Variants in ZNF385D observed in about 807,000 individuals in gnomAD.
The protein encoded by ZNF385D is zinc finger protein 659.
Under a neutral mutation model 35.8 loss-of-function variants are expected in ZNF385D, and 15 were observed. The ratio of observed to expected loss-of-function variants is 0.42; its 90% CI spans 0.28 to 0.64. The LOEUF (loss-of-function observed/expected upper bound fraction) is 0.64, where lower values mean the gene tolerates loss of function less well. ZNF385D is among the 30% of genes least tolerant of loss of function. The probability of loss-of-function intolerance (pLI) is 0.23; values close to 1 mark genes in which losing one functional copy is unlikely to be tolerated. For missense variants in ZNF385D, 474 were observed against 494.6 expected (o/e 0.96, Z 0.39); for synonymous variants, 212 against 186.8 (o/e 1.13, Z -1.10).
chr3:22,099,700 T>A (rs542475990), intron 3 of ZNF385D, among the ~76,000 whole-genome samples: 3 of 151,834 alleles, frequency 2.0e-5, no homozygotes, highest in Non-Finnish European at 4.4e-5. Flanking sequence ...CCCTGAAGCA[T>A]GGCGGGGATA....
At chr3:21,712,578 C>A (rs2068154892) in intron 1 of ZNF385D, among the ~76,000 whole-genome samples, 2 of 152,066 alleles carry the variant, frequency 1.3e-5, no homozygotes, top group African/African-American at 4.8e-5. Context: ...TCACTTGTAA[C>A]ACCGCTGTAA....
At chr3:22,310,193 C>G (rs570354200) in intron 2 of ZNF385D, among the ~76,000 whole-genome samples, 51 of 151,898 alleles carry the variant, frequency 3.4e-4, no homozygotes, top group Non-Finnish European at 6.3e-4. Flanking sequence ...AGACCATTTC[C>G]TGGATTTGCA....
chr3:22,166,808 T>C (rs927341198), intron 3 of ZNF385D, among the ~76,000 whole-genome samples: 1 of 152,228 alleles, frequency 6.6e-6, no homozygotes, highest in Non-Finnish European at 1.5e-5. Context: ...TATAATGTTG[T>C]TTATTACTTC....
At chr3:22,295,508 G>T (rs1702525310) in intron 2 of ZNF385D, among the ~76,000 whole-genome samples, 2 of 152,062 alleles carry the variant, frequency 1.3e-5, no homozygotes, top group Admixed American at 6.6e-5. Flanking sequence ...CGTACATGTA[G>T]GTGTATGGCT....
At chr3:21,760,052 G>A (rs145485096) in intron 3 of ZNF385D, among the ~76,000 whole-genome samples, 1 of 152,268 alleles carries the variant, frequency 6.6e-6, no homozygotes, top group African/African-American at 2.4e-5. Context: ...ATACATAAAG[G>A]AAGTGTGTAA....
chr3:21,499,672 A>G (rs572515395), intron 4 of ZNF385D, among the ~76,000 whole-genome samples: 1 of 152,172 alleles, frequency 6.6e-6, no homozygotes. Context: ...AAAACGAAAA[A>G]CAATAAAATA....
chr3:22,069,210 T>A (rs1265020274), intron 3 of ZNF385D, among the ~76,000 whole-genome samples: 20 of 152,190 alleles, frequency 1.3e-4, no homozygotes, highest in Admixed American at 1.2e-3. Context: ...TCCAACAGGG[T>A]CTGAGAAAAT....
intron 2 of ZNF385D, among the ~76,000 whole-genome samples, chr3:21,650,947 A>G (rs2065893367): frequency 6.6e-6 from 1 of 152,036 alleles, no homozygotes; most frequent in African/African-American, 2.4e-5. Context: ...CAGAAATATG[A>G]TTTTCAGGAC....
intron 3 of ZNF385D, among the ~76,000 whole-genome samples, chr3:22,012,106 C>T (rs1263693280): frequency 6.6e-6 from 1 of 152,104 alleles, no homozygotes; most frequent in Non-Finnish European, 1.5e-5. Context: ...CTCCAGGGAG[C>T]CCACCACCTT....
chr3:21,802,406 C>A (rs1378617298), intron 3 of ZNF385D, among the ~76,000 whole-genome samples: 1 of 151,850 alleles, frequency 6.6e-6, no homozygotes, highest in Non-Finnish European at 1.5e-5. Context: ...TCTTTAAGAC[C>A]CCTGAAAGAG....
At chr3:21,726,309 T>C (rs950358531) in intron 1 of ZNF385D, among the ~76,000 whole-genome samples, 1 of 152,136 alleles carries the variant, frequency 6.6e-6, no homozygotes, top group African/African-American at 2.4e-5. Context: ...TTCAACATAA[T>C]ACTGGAAGTT....
chr3:21,783,067 G>T (rs1022018848), intron 3 of ZNF385D, among the ~76,000 whole-genome samples: 1 of 152,110 alleles, frequency 6.6e-6, no homozygotes, highest in African/African-American at 2.4e-5. Context: ...ATTGGTAACT[G>T]ATCACTACTC....
intron 2 of ZNF385D, among the ~76,000 whole-genome samples, chr3:22,305,135 T>C (rs1703134672): frequency 6.6e-6 from 1 of 152,108 alleles, no homozygotes; most frequent in Non-Finnish European, 1.5e-5. Flanking sequence ...CTTTATTTTT[T>C]GTAATCTCTT....
chr3:22,212,926 A>T (rs1697620694), intron 2 of ZNF385D, among the ~76,000 whole-genome samples: 1 of 152,040 alleles, frequency 6.6e-6, no homozygotes, highest in Admixed American at 6.6e-5. Context: ...AAGGAAAAAA[A>T]ATCAATTGTA....
intron 3 of ZNF385D, among the ~76,000 whole-genome samples, chr3:22,093,793 G>T (rs1366034033): frequency 6.6e-6 from 1 of 151,942 alleles, no homozygotes; most frequent in African/African-American, 2.4e-5. Flanking sequence ...TTTAGCATTA[G>T]TTCCATATTA....
intron 3 of ZNF385D, among the ~76,000 whole-genome samples, chr3:22,001,737 C>T (rs1307470039): frequency 4.5e-5 from 4 of 88,008 alleles, no homozygotes; most frequent in Non-Finnish European, 6.7e-5. Flanking sequence ...CAAAATAAGT[C>T]TCAATTAAAA....
chr3:21,638,663 T>G (rs1245347928), intron 2 of ZNF385D, among the ~76,000 whole-genome samples: 3 of 152,118 alleles, frequency 2.0e-5, no homozygotes, highest in Non-Finnish European at 4.4e-5. Flanking sequence ...TAGCTTGCCA[T>G]TACTGTAAAG....
chr3:21,784,893 T>C (rs9828155), intron 3 of ZNF385D, among the ~76,000 whole-genome samples: 39,753 of 152,080 alleles, frequency 0.26, 5,378 homozygotes, highest in East Asian at 0.4. Context: ...ATCTTTAATT[T>C]ATCATGGACT....
At chr3:21,960,225 C>A (rs1384615139) in intron 3 of ZNF385D, among the ~76,000 whole-genome samples, 2 of 151,966 alleles carry the variant, frequency 1.3e-5, no homozygotes, top group Non-Finnish European at 2.9e-5. Flanking sequence ...CCCTCCCCAA[C>A]ACAGACACTC....
Sources: gnomAD v4.1 joint callset for allele counts (sites outside exome capture counted in the v4.1 genomes callset) on GRCh38, gnomAD v4.1.1 for gene constraint, MANE v1.5 for transcripts, NCBI Gene and HGNC (gene_info 2026-07-23, HGNC 2026-07-21) for gene names.